Variants in RAD50 observed in about 807,000 individuals in gnomAD.
RAD50 encodes RAD50 double strand break repair protein, also known as DNA repair protein RAD50.
A neutral mutation model predicts 168.8 loss-of-function variants in RAD50; 132 were observed. The observed-to-expected ratio is 0.78, with a 90% CI of 0.68 to 0.90. RAD50 has a LOEUF of 0.90. RAD50 is among the 40% of genes least tolerant of loss of function. The pLI is 0.00. For missense variants in RAD50, 1,347 were observed against 1,534.4 expected (o/e 0.88, Z 2.04); for synonymous variants, 525 against 497.4 (o/e 1.06, Z -0.74).
intron 23 of RAD50, among the ~76,000 whole-genome samples, chr5:132,640,423 G>C (rs1030187535): frequency 2.0e-5 from 3 of 152,222 alleles, no homozygotes; most frequent in Non-Finnish European, 2.9e-5. Flanking sequence ...TTTTATGTGA[G>C]AGCATCAGCG....
chr5:132,634,681 C>A (rs748837348), intron 21 of RAD50, among the ~76,000 whole-genome samples: 2 of 152,052 alleles, frequency 1.3e-5, no homozygotes, highest in Non-Finnish European at 2.9e-5. Context: ...AAATTTGATG[C>A]TTGCTGTGGA....
intron 22 of RAD50, 103 bp from the exon 23 acceptor site, chr5:132,637,978 A>ATGTCAGCCTCATCTGT: frequency 7.8e-7 from 1 of 1,273,988 alleles, no homozygotes; most frequent in Non-Finnish European, 1.1e-6. Context: ...TCCTCTGGTA[A>ATGTCAGCCTCATCTGT]TGTCAGCCTC....
rs148895884 is a variant in RAD50 at position 132,616,140 on chromosome 5, TA to T, written c.3164+14del. 4.7e-4 allele frequency: 755 copies of T among 1,609,496 alleles called. 3 individuals are homozygous for T. The African/African-American group carries it at 9.2e-3, about 20-fold the overall frequency. ...TTTTGCAAATGAAAAGGTATGCTTTTAAAATAATCTTCAGTTTAAATAAACG... is the reference window on the plus strand; with the variant it reads ...TTTTGCAAATGAAAAGGTATGCTTTTAAATAATCTTCAGTTTAAATAAACG... On this transcript the variant is annotated intron_variant, in intron 20 of 24. Transcript: ENST00000378823.
chr5:132,587,718 T>C (rs890015914), intron 6 of RAD50, 28 bp downstream of exon 6: 1 of 1,613,274 alleles, frequency 6.2e-7, no homozygotes, highest in Non-Finnish European at 8.5e-7. Flanking sequence ...TTTGTTCTGC[T>C]TCAAAATTTT....
rs552660212 is a variant in RAD50 at position 132,646,184 on chromosome 5, G to A, written c.*3820G>A. ...GATCATAGGATATAGGCAGGGCACTGACCACTCCTACAACCACCATCTATA... is the reference window on the plus strand; with the variant it reads ...GATCATAGGATATAGGCAGGGCACTAACCACTCCTACAACCACCATCTATA... On this transcript the variant is annotated 3_prime_UTR_variant, in exon 25 of 25. Transcript: ENST00000378823. 6.6e-6 allele frequency: 1 copy of A among 151,056 alleles called. No homozygotes were observed. Among genetic ancestry groups the A allele is most frequent in the African/African-American group, 2.4e-5 (1 of 41,038 alleles). 9.4% of individuals were successfully genotyped at this position (151,056 alleles called of 1,614,324 possible). A position where few individuals can be genotyped will look rare whatever the true frequency, so the allele number is the denominator to read the frequency against.
intron 3 of RAD50, among the ~76,000 whole-genome samples, chr5:132,578,901 A>C (rs1355303685): frequency 6.6e-6 from 1 of 152,180 alleles, no homozygotes; most frequent in African/African-American, 2.4e-5. Flanking sequence ...TCTGCTCACC[A>C]GAGCAGTCTG....
intron 21 of RAD50, among the ~76,000 whole-genome samples, chr5:132,620,296 A>G (rs1322968309): frequency 1.3e-5 from 2 of 152,170 alleles, no homozygotes; most frequent in Non-Finnish European, 2.9e-5. Flanking sequence ...TCCGTTATGA[A>G]TAACTGGTTG....
Position 132,592,045 on chromosome 5 carries a change from A to T in RAD50, c.1793+11A>T, listed in dbSNP as rs372159364. 6.2e-7 allele frequency: 1 copy of T among 1,602,420 alleles called. No individual in the cohort carries two copies. Among genetic ancestry groups the T allele is most frequent in the Non-Finnish European group, 8.5e-7 (1 of 1,169,708 alleles). ...ACTTGCCAAATTGAAGTAAGTTGCA[A>T]CATTTGGAGATGTAATAGAAATCTC... On this transcript the variant is annotated intron_variant, in intron 11 of 24. Coordinates refer to ENST00000378823, the MANE Select transcript of RAD50 (RefSeq NM_005732.4).
rs1018539634 is a variant in RAD50, at chr5:132,602,544, CCTTT to C, written c.2208-755_2208-752del. On this transcript the variant is annotated intron_variant, in intron 13 of 24. Coordinates refer to ENST00000378823, the MANE Select transcript of RAD50 (RefSeq NM_005732.4). The stretch of plus-strand genomic sequence containing the variant: ...ATTTCACTTAGTGGCTGGCTTCCTT[CCTTT>C]TTTTCCTGTAATTTAAAAAATTTTT... Among the ~76,000 whole-genome samples, 13 of 152,118 alleles carry C rather than the reference CCTTT, an allele frequency of 8.5e-5. 1 individual carries two copies. Among genetic ancestry groups the C allele is most frequent in the Middle Eastern group, 3.4e-3 (1 of 294 alleles).
chr5:132,612,525 G>A (rs906757605), intron 19 of RAD50, among the ~76,000 whole-genome samples: 18 of 152,114 alleles, frequency 1.2e-4, no homozygotes, highest in Non-Finnish European at 7.4e-5. Context: ...TTTAAAAAAT[G>A]ACTTAGGTTA....
intron 1 of RAD50, among the ~76,000 whole-genome samples, chr5:132,558,774 C>T (rs1192783431): frequency 6.8e-6 from 1 of 146,290 alleles, no homozygotes; most frequent in Non-Finnish European, 1.5e-5. Flanking sequence ...TGGCTGACGA[C>T]TGTAATCCGA....
rs554171580 is a variant in RAD50, at chr5:132,557,188, C to T, written c.-137C>T. On this transcript the variant is annotated 5_prime_UTR_variant, in exon 1 of 25. Coordinates refer to ENST00000378823, the MANE Select transcript of RAD50 (RefSeq NM_005732.4). ...TTGGCTGGCAGGATCTTTTGGCAGTCCTGTGGCCTCGCTCCCCGCCCGGAT... is the reference window on the plus strand; with the variant it reads ...TTGGCTGGCAGGATCTTTTGGCAGTTCTGTGGCCTCGCTCCCCGCCCGGAT... 10 of 1,209,568 alleles carry T rather than the reference C, an allele frequency of 8.3e-6. No homozygotes were observed. The African/African-American group carries it at 1.3e-4, about 16-fold the overall frequency. 74.9% of individuals were successfully genotyped at this position (1,209,568 alleles called of 1,614,324 possible). A position where few individuals can be genotyped will look rare whatever the true frequency, so the allele number is the denominator to read the frequency against.
chr5:132,612,601 G>A (rs1030226104), intron 19 of RAD50, among the ~76,000 whole-genome samples: 37 of 152,258 alleles, frequency 2.4e-4, no homozygotes, highest in African/African-American at 8.7e-4. Context: ...TTGGGAGGCC[G>A]AGGCGGGCAG....
chr5:132,592,757 T>A (rs1750725903), intron 11 of RAD50: 1 of 455,686 alleles, frequency 2.2e-6, no homozygotes. Context: ...TTGTGCTTTG[T>A]CTTCAGGATT....
chr5:132,566,869 C>T (rs574784033), intron 2 of RAD50, among the ~76,000 whole-genome samples: 1 of 152,308 alleles, frequency 6.6e-6, no homozygotes, highest in African/African-American at 2.4e-5. Flanking sequence ...AACTTCTACC[C>T]AGATTGGTAG....
intron 21 of RAD50, among the ~76,000 whole-genome samples, chr5:132,622,548 G>A (rs1447240584): frequency 6.6e-6 from 1 of 151,794 alleles, no homozygotes. Flanking sequence ...GCCTCCCAAA[G>A]TGCTAGGATT....
intron 21 of RAD50, among the ~76,000 whole-genome samples, chr5:132,634,414 C>T (rs1751534682): frequency 6.6e-6 from 1 of 151,076 alleles, no homozygotes; most frequent in Non-Finnish European, 1.5e-5. Flanking sequence ...ATATATTTAT[C>T]TCTGGCTATC....
intron 13 of RAD50, among the ~76,000 whole-genome samples, chr5:132,598,052 T>C (rs1750821110): frequency 9.2e-6 from 1 of 109,240 alleles, no homozygotes; most frequent in South Asian, 2.8e-4. Context: ...TCACGGCTCC[T>C]TTTTTTTTTT....
At chr5:132,611,432 G>A (rs949380655) in intron 19 of RAD50, among the ~76,000 whole-genome samples, 4 of 151,290 alleles carry the variant, frequency 2.6e-5, no homozygotes, top group Admixed American at 6.6e-5. Flanking sequence ...ACAGCCAGGC[G>A]TGGTGGCTCA....
Sources: allele counts gnomAD v4.1 joint callset (sites outside exome capture counted in the v4.1 genomes callset), GRCh38; gene constraint gnomAD v4.1.1; transcripts MANE v1.5; gene names NCBI Gene and HGNC (gene_info 2026-07-23, HGNC 2026-07-21).